The following CAST variants were observed in gnomAD, a reference collection of about 807,000 sequenced individuals.
CAST encodes the protein calpastatin.
CAST carries 76 observed loss-of-function variants against 119.6 expected under a neutral mutation model. That is an observed-to-expected ratio of 0.64 (90% CI 0.53 to 0.77). The LOEUF (loss-of-function observed/expected upper bound fraction) is 0.77. Among genes scored for constraint, CAST ranks in the 30% least tolerant of loss-of-function variants. CAST has a pLI of 0.00. For missense variants in CAST, 953 were observed against 946.5 expected, an observed-to-expected ratio of 1.01 and a Z score of -0.09; for synonymous variants, 319 against 331.6, an observed-to-expected ratio of 0.96 and a Z score of 0.41.
At chr5:96,371,062 T>A in the CAST span, among the ~76,000 whole-genome samples, 1 of 152,228 alleles carries the variant, frequency 6.6e-6, no homozygotes, top group Non-Finnish European at 1.5e-5. Flanking sequence ...AATACACCTG[T>A]GTCTTGCAGA....
chr5:96,612,364 G>A (rs571870449), intron 1 of CAST, among the ~76,000 whole-genome samples: 139 of 152,138 alleles, frequency 9.1e-4, no homozygotes, highest in Non-Finnish European at 1.6e-3. Context: ...CTCATTATAA[G>A]TGAGAGCTAA....
the CAST span, among the ~76,000 whole-genome samples, chr5:96,303,842 T>C: frequency 6.6e-6 from 1 of 152,190 alleles, no homozygotes; most frequent in Non-Finnish European, 1.5e-5. Flanking sequence ...ATTTATCCAG[T>C]CTATCATTAA....
intron 22 of CAST, among the ~76,000 whole-genome samples, chr5:96,756,010 G>A (rs1041680709): frequency 1.3e-5 from 2 of 152,174 alleles, no homozygotes; most frequent in Non-Finnish European, 2.9e-5. Context: ...TAAGGAAGCA[G>A]TTGATTCACA....
chr5:96,185,357 A>G, the CAST span, among the ~76,000 whole-genome samples: 2 of 152,128 alleles, frequency 1.3e-5, no homozygotes, highest in South Asian at 4.1e-4. Flanking sequence ...GTTGATTTGT[A>G]TCCCATTTGT....
intron 1 of CAST, among the ~76,000 whole-genome samples, chr5:96,572,965 C>T (rs557272520): frequency 6.6e-6 from 1 of 152,166 alleles, no homozygotes; most frequent in Non-Finnish European, 1.5e-5. Context: ...GTGTTCACAA[C>T]AAGATAGAAG....
chr5:96,053,166 T>C, the CAST span, among the ~76,000 whole-genome samples: 3 of 152,206 alleles, frequency 2.0e-5, no homozygotes, highest in Non-Finnish European at 2.9e-5. Context: ...CAATATTGGC[T>C]ATACATTGGA....
the CAST span, among the ~76,000 whole-genome samples, chr5:96,208,108 G>A: frequency 4.7e-5 from 7 of 149,996 alleles, no homozygotes; most frequent in African/African-American, 1.7e-4. Flanking sequence ...GCATACATGT[G>A]TTCATAATAG....
At chr5:96,411,510 T>C in the CAST span, among the ~76,000 whole-genome samples, 5 of 152,252 alleles carry the variant, frequency 3.3e-5, no homozygotes, top group African/African-American at 9.6e-5. Flanking sequence ...TTTCATCTTA[T>C]GGAGCACAAG....
chr5:96,556,187 A>T (rs1487458702), intron 1 of CAST, among the ~76,000 whole-genome samples: 1 of 152,248 alleles, frequency 6.6e-6, no homozygotes, highest in East Asian at 1.9e-4. Flanking sequence ...CAGAAAGGAC[A>T]TCCACACCAA....
the CAST span, among the ~76,000 whole-genome samples, chr5:96,216,271 A>G: frequency 6.6e-6 from 1 of 152,212 alleles, no homozygotes; most frequent in African/African-American, 2.4e-5. Flanking sequence ...CAAAAAAATT[A>G]TATGTGGATT....
the CAST span, among the ~76,000 whole-genome samples, chr5:96,425,056 GAAAGAAAGA>G: frequency 1.7e-5 from 2 of 120,408 alleles, no homozygotes; most frequent in Admixed American, 7.9e-5. Context: ...AAGAAAGAAA[GAAAGAAAGA>G]AAGAAAGAAA....
chr5:96,165,158 A>G, the CAST span, among the ~76,000 whole-genome samples: 1 of 151,862 alleles, frequency 6.6e-6, no homozygotes. Context: ...CTGACATGAC[A>G]CCTCGGCAGA....
the CAST span, among the ~76,000 whole-genome samples, chr5:96,402,882 G>A: frequency 1.3e-5 from 2 of 152,094 alleles, no homozygotes; most frequent in Non-Finnish European, 2.9e-5. Context: ...CAGAATGCTT[G>A]CCTCATGATC....
intron 1 of CAST, among the ~76,000 whole-genome samples, chr5:96,617,643 T>G (rs1388687301): frequency 2.0e-5 from 3 of 150,620 alleles, no homozygotes; most frequent in African/African-American, 7.3e-5. Context: ...CAAAAAAAAA[T>G]TAGCCAGGCA....
chr5:96,400,748 C>T, the CAST span, among the ~76,000 whole-genome samples: 1 of 152,198 alleles, frequency 6.6e-6, no homozygotes, highest in African/African-American at 2.4e-5. Context: ...AGGCACTATG[C>T]TAATACCATG....
the CAST span, among the ~76,000 whole-genome samples, chr5:96,024,910 G>A: frequency 6.6e-6 from 1 of 152,090 alleles, no homozygotes; most frequent in Non-Finnish European, 1.5e-5. Context: ...ATTCCAAGTA[G>A]AGGTCAGGCC....
intron 1 of CAST, among the ~76,000 whole-genome samples, chr5:96,617,333 G>A (rs1747479269): frequency 6.6e-6 from 1 of 151,988 alleles, no homozygotes; most frequent in South Asian, 2.1e-4. Flanking sequence ...CAACAAAAAT[G>A]GCGATTATTT....
the CAST span, among the ~76,000 whole-genome samples, chr5:96,344,998 A>G: frequency 6.6e-6 from 1 of 151,900 alleles, no homozygotes; most frequent in Non-Finnish European, 1.5e-5. Flanking sequence ...CTGCTGCTCT[A>G]CTCTGGCTTG....
At chr5:96,412,834 C>T in the CAST span, 1 of 456,222 alleles carries the variant, frequency 2.2e-6, no homozygotes, top group Non-Finnish European at 3.0e-6. Context: ...TGAAGTGGAG[C>T]AGCATCCTTG....
Sources: allele counts gnomAD v4.1 joint callset (sites outside exome capture counted in the v4.1 genomes callset), GRCh38; gene constraint gnomAD v4.1.1; transcripts MANE v1.5; gene names NCBI Gene and HGNC (gene_info 2026-07-23, HGNC 2026-07-21).